Variants in ULK4 observed in about 807,000 individuals in gnomAD.
ULK4 encodes the protein inactive serine/threonine-protein kinase ULK4.
Under a neutral mutation model 160.6 loss-of-function variants are expected in ULK4, and 133 were observed. The ratio of observed to expected loss-of-function variants is 0.83; its 90% CI spans 0.72 to 0.96. ULK4 has a LOEUF of 0.96. Ranked by LOEUF, ULK4 falls within the 40% of genes least tolerant of loss-of-function variation. ULK4 has a pLI of 0.00. For missense variants in ULK4, 1,580 were observed against 1,499.5 expected, an observed-to-expected ratio of 1.05 and a Z score of -0.89; for synonymous variants, 534 against 539.8, an observed-to-expected ratio of 0.99 and a Z score of 0.15.
intron 25 of ULK4, among the ~76,000 whole-genome samples, chr3:41,712,142 C>A (rs2037117936): frequency 6.6e-6 from 1 of 152,122 alleles, no homozygotes; most frequent in Admixed American, 6.5e-5. Flanking sequence ...AAAATTAATT[C>A]TTGTATTTAT....
At chr3:41,273,530 A>G (rs923434562) in intron 35 of ULK4, among the ~76,000 whole-genome samples, 5 of 152,190 alleles carry the variant, frequency 3.3e-5, no homozygotes, top group African/African-American at 7.2e-5. Context: ...ACTGTGTACT[A>G]TTGAACACTA....
chr3:41,955,998 G>T (rs72866376), intron 1 of ULK4, among the ~76,000 whole-genome samples: 131 of 152,246 alleles, frequency 8.6e-4, no homozygotes, highest in African/African-American at 3.0e-3. Flanking sequence ...ACCTAAGGCT[G>T]TTTCACACTG....
At chr3:41,796,630 G>A (rs1025217566) in intron 20 of ULK4, among the ~76,000 whole-genome samples, 8 of 151,952 alleles carry the variant, frequency 5.3e-5, no homozygotes, top group African/African-American at 1.7e-4. Flanking sequence ...AGACTAGAAA[G>A]AATTCTGAGG....
chr3:41,281,027 C>T (rs1000390360), intron 35 of ULK4, among the ~76,000 whole-genome samples: 6 of 152,268 alleles, frequency 3.9e-5, no homozygotes, highest in South Asian at 2.1e-4. Context: ...ACTATAAACA[C>T]GTCTATGCAA....
At chr3:41,469,479 T>C (rs967787673) in intron 32 of ULK4, among the ~76,000 whole-genome samples, 3 of 151,174 alleles carry the variant, frequency 2.0e-5, no homozygotes, top group Non-Finnish European at 4.4e-5. Flanking sequence ...CTCATCAAAA[T>C]TGAGAGCAAA....
At chr3:41,619,513 C>G (rs550632346) in intron 30 of ULK4, among the ~76,000 whole-genome samples, 1 of 152,016 alleles carries the variant, frequency 6.6e-6, no homozygotes, top group Admixed American at 6.6e-5. Context: ...TGCTCCTGAA[C>G]GACTACTGGG....
chr3:41,931,485 A>AAAAAAG (rs747998907), intron 5 of ULK4, among the ~76,000 whole-genome samples: 2 of 151,838 alleles, frequency 1.3e-5, no homozygotes, highest in African/African-American at 2.4e-5. Flanking sequence ...AAAAAAAAAA[A>AAAAAAG]AAAGAAAGAA....
chr3:41,626,703 C>G (rs1559442394), intron 30 of ULK4, among the ~76,000 whole-genome samples: 1 of 151,722 alleles, frequency 6.6e-6, no homozygotes. Context: ...TTTTTTTGTA[C>G]TTTTAGTAGA....
intron 35 of ULK4, among the ~76,000 whole-genome samples, chr3:41,387,364 C>CT (rs548538152): frequency 4.0e-5 from 6 of 150,816 alleles, no homozygotes; most frequent in African/African-American, 1.2e-4. Context: ...AATTTTGTAT[C>CT]TTTTTTTTTC....
At chr3:41,527,011 AG>A in intron 32 of ULK4, among the ~76,000 whole-genome samples, 1 of 152,342 alleles carries the variant, frequency 6.6e-6, no homozygotes, top group South Asian at 2.1e-4. Context: ...TGAAAATAAT[AG>A]CTATTATTTG....
chr3:41,476,335 T>C (rs1489855069), intron 32 of ULK4, among the ~76,000 whole-genome samples: 1 of 152,198 alleles, frequency 6.6e-6, no homozygotes, highest in East Asian at 1.9e-4. Context: ...ACTTTTGGTA[T>C]GGAGGGGAGA....
chr3:41,389,856 G>A (rs1333943700), intron 35 of ULK4, among the ~76,000 whole-genome samples: 1 of 152,134 alleles, frequency 6.6e-6, no homozygotes, highest in Non-Finnish European at 1.5e-5. Context: ...GTCTCTGCCA[G>A]GCTTTGGTAT....
intron 20 of ULK4, among the ~76,000 whole-genome samples, chr3:41,794,981 G>A (rs1575721388): frequency 6.6e-6 from 1 of 152,170 alleles, no homozygotes; most frequent in Non-Finnish European, 1.5e-5. Context: ...TGGAACCAAA[G>A]AGGTAGGCAA....
chr3:41,359,291 A>G (rs2081085347), intron 35 of ULK4, among the ~76,000 whole-genome samples: 1 of 152,230 alleles, frequency 6.6e-6, no homozygotes, highest in Admixed American at 6.5e-5. Context: ...GGTGGGCTGA[A>G]GGTACAAATA....
At chr3:41,806,619 T>C (rs1251453692) in intron 19 of ULK4, among the ~76,000 whole-genome samples, 3 of 152,182 alleles carry the variant, frequency 2.0e-5, no homozygotes, top group Non-Finnish European at 4.4e-5. Flanking sequence ...CTTGTGGGCA[T>C]TTAGTGCTAT....
chr3:41,576,256 G>T (rs552765520), intron 31 of ULK4, among the ~76,000 whole-genome samples: 3 of 152,318 alleles, frequency 2.0e-5, no homozygotes, highest in Admixed American at 2.0e-4. Context: ...GCCAGATGTT[G>T]TTTCCTGAAG....
intron 17 of ULK4, among the ~76,000 whole-genome samples, chr3:41,857,303 T>C (rs1023334097): frequency 1.3e-5 from 2 of 152,212 alleles, no homozygotes; most frequent in African/African-American, 4.8e-5. Context: ...ATTCTCTTTC[T>C]AATGAATGAT....
intron 32 of ULK4, among the ~76,000 whole-genome samples, chr3:41,499,064 C>G (rs73075193): frequency 0.13 from 19,496 of 152,118 alleles, 1,529 homozygotes; most frequent in Admixed American, 0.18. Context: ...GAAAAAAGGC[C>G]AGATGCAAAC....
intron 20 of ULK4, among the ~76,000 whole-genome samples, chr3:41,796,001 G>T (rs2040289978): frequency 6.6e-6 from 1 of 152,172 alleles, no homozygotes; most frequent in Non-Finnish European, 1.5e-5. Flanking sequence ...AGGATGTCTA[G>T]CCCTTTGCTT....
Sources: gnomAD v4.1 joint callset for allele counts (sites outside exome capture counted in the v4.1 genomes callset) on GRCh38, gnomAD v4.1.1 for gene constraint, MANE v1.5 for transcripts, NCBI Gene and HGNC (gene_info 2026-07-23, HGNC 2026-07-21) for gene names.